Variants in MAP3K3 observed in about 807,000 individuals in gnomAD.
The protein encoded by MAP3K3 is mitogen-activated protein kinase kinase kinase 3.
In MAP3K3, 12 loss-of-function variants were observed where a neutral mutation model predicts 80.9. The observed-to-expected ratio is 0.15, with a 90% CI of 0.10 to 0.24. The LOEUF is 0.24. Among genes scored for constraint, MAP3K3 ranks in the 10% least tolerant of loss-of-function variants. The pLI is 1.00. For missense variants in MAP3K3, 596 were observed against 834.7 expected, an observed-to-expected ratio of 0.71 and a Z score of 3.52; for synonymous variants, 272 against 307.1, an observed-to-expected ratio of 0.89 and a Z score of 1.19.
intron 6 of MAP3K3, among the ~76,000 whole-genome samples, chr17:63,671,380 C>T (rs190542900): frequency 6.6e-6 from 1 of 152,002 alleles, no homozygotes; most frequent in East Asian, 1.9e-4. Context: ...CTCAGCCTCC[C>T]AAGTAGCTGG....
At chr17:63,646,416 TAGAG>T (rs2034542272) in intron 3 of MAP3K3, among the ~76,000 whole-genome samples, 1 of 152,174 alleles carries the variant, frequency 6.6e-6, no homozygotes, top group Non-Finnish European at 1.5e-5. Context: ...CTGTGGGCAT[TAGAG>T]GGAGGGCAGG....
At chr17:63,637,398 C>T (rs755128911) in intron 2 of MAP3K3, among the ~76,000 whole-genome samples, 1 of 152,052 alleles carries the variant, frequency 6.6e-6, no homozygotes, top group Non-Finnish European at 1.5e-5. Flanking sequence ...TCCTAGTCAC[C>T]GTAATTTTAC....
intron 6 of MAP3K3, among the ~76,000 whole-genome samples, chr17:63,676,689 C>T (rs937968557): frequency 6.6e-6 from 1 of 152,204 alleles, no homozygotes; most frequent in Non-Finnish European, 1.5e-5. Context: ...GAAAGAGAAG[C>T]AGCCTCTAGG....
chr17:63,632,582 C>A, intron 1 of MAP3K3, 99 bp from the exon 2 acceptor site: 1 of 1,390,402 alleles, frequency 7.2e-7, no homozygotes, highest in Non-Finnish European at 9.9e-7. Context: ...TGTCATTTTA[C>A]CTGGGCAGAA....
In MAP3K3 at chr17:63,696,250, C is replaced by G. The variant is rs2035690439; in HGVS notation, c.*2473C>G. ...TGACTATATCTTGACCGAGGGCTTGCAGTGCAAAGCCAGGCCAGTGTTGCG... is the reference window on the plus strand; with the variant it reads ...TGACTATATCTTGACCGAGGGCTTGGAGTGCAAAGCCAGGCCAGTGTTGCG... On this transcript the variant is annotated 3_prime_UTR_variant, in exon 16 of 16. Coordinates refer to ENST00000361733, the MANE Select transcript of MAP3K3 (RefSeq NM_002401.5). The G allele has an allele frequency of 1.3e-5, 2 of 152,746 alleles. No homozygotes were observed. Among genetic ancestry groups the G allele is most frequent in the East Asian group, 3.9e-4 (2 of 5,176 alleles). 9.5% of individuals were successfully genotyped at this position (152,746 alleles called of 1,614,324 possible). A position where few individuals can be genotyped will look rare whatever the true frequency, so the allele number is the denominator to read the frequency against.
chr17:63,681,300 G>A (rs1419685140), intron 6 of MAP3K3, among the ~76,000 whole-genome samples: 1 of 151,938 alleles, frequency 6.6e-6, no homozygotes, highest in Non-Finnish European at 1.5e-5. Flanking sequence ...GAGATGCACA[G>A]GTATATTCAG....
At position 63,692,633 on chromosome 17, in the gene MAP3K3, G is replaced by A. The variant is rs369869258; in HGVS notation, c.1652+214G>A. 2.2e-4 allele frequency among the ~76,000 whole-genome samples: 33 copies of A among 152,362 alleles called. No individual in the cohort carries two copies. The highest frequency in any genetic ancestry group is 7.9e-4 in the African/African-American group (33 of 41,586). ...CATTAGAGCTGGGAACTTAGGCCAT[G>A]GAAAACATCCCTCATGTTTGCTAAA... On this transcript the variant is annotated intron_variant, in intron 15 of 15. Transcript: ENST00000361733. The surrounding 1 kb of genome is among the most constrained non-coding windows in gnomAD (Gnocchi z 4.5).
chr17:63,623,772 A>G (rs1263919097), intron 1 of MAP3K3, among the ~76,000 whole-genome samples: 4 of 152,226 alleles, frequency 2.6e-5, no homozygotes, highest in Non-Finnish European at 5.9e-5. Flanking sequence ...AATATTTGGT[A>G]TTGCCCTAAA....
chr17:63,653,423 T>C (rs1390001455), intron 4 of MAP3K3, among the ~76,000 whole-genome samples: 1 of 152,192 alleles, frequency 6.6e-6, no homozygotes, highest in Admixed American at 6.5e-5. Flanking sequence ...CACTGTGTAG[T>C]TTTATTTTAT....
intron 8 of MAP3K3, among the ~76,000 whole-genome samples, chr17:63,686,837 C>G (rs2035460837): frequency 6.6e-6 from 1 of 152,128 alleles, no homozygotes; most frequent in Non-Finnish European, 1.5e-5. Context: ...GACTTGGGCT[C>G]AGGGCTTTCA....
chr17:63,685,337 C>G (rs2035425664), intron 7 of MAP3K3, among the ~76,000 whole-genome samples, 180 bp from the exon 8 acceptor site: 1 of 152,202 alleles, frequency 6.6e-6, no homozygotes, highest in Non-Finnish European at 1.5e-5. Context: ...TGGAAACTTG[C>G]CTTTCAAACT....
chr17:63,639,144 G>C (rs1473281871), intron 2 of MAP3K3, among the ~76,000 whole-genome samples: 1 of 152,194 alleles, frequency 6.6e-6, no homozygotes, highest in South Asian at 2.1e-4. Flanking sequence ...TCACTGTGTG[G>C]TACAGAGAGT....
At chr17:63,663,513 AAAG>A (rs1179221663) in intron 5 of MAP3K3, among the ~76,000 whole-genome samples, 1 of 152,150 alleles carries the variant, frequency 6.6e-6, no homozygotes, top group Admixed American at 6.6e-5. Context: ...AAAAAAAAAA[AAAG>A]TTTAGAACTC....
Position 63,693,504 on chromosome 17 carries a change from A to G in MAP3K3, c.1653-45A>G. 1 of 1,529,260 alleles carries G rather than the reference A, an allele frequency of 6.5e-7. No homozygotes were observed. Among genetic ancestry groups the G allele is most frequent in the Non-Finnish European group, 8.9e-7 (1 of 1,119,644 alleles). 94.7% of individuals were successfully genotyped at this position (1,529,260 alleles called of 1,614,324 possible). ...TGCAGTGGTGGGCAGGACAGCTGGG[A>G]GTCCAGGGCTGGCTGAGGGGTGACA... On this transcript the variant is annotated intron_variant, in intron 15 of 15. Transcript: ENST00000361733. This position sits in a 1 kb window ranked among gnomAD's most constrained non-coding sequence, Gnocchi z 4.2.
chr17:63,632,739 A>G lies in MAP3K3; in HGVS notation c.63A>G (p.Arg21=). ...MNDLVALQMN[R]RHRMPGYETM... is the part of the protein sequence containing the mutation. ...ATCTGGTGGCCCTCCAGATGAACCG[A>G]CGTCACCGGATGCCTGGATATGAGA... The change falls in exon 2 of 16, where the codon CGA becomes CGG. Residue 21 remains arginine (R), a synonymous_variant. Coordinates refer to ENST00000361733, the MANE Select transcript of MAP3K3 (RefSeq NM_002401.5). 1 of 1,614,132 alleles carries G rather than the reference A, an allele frequency of 6.2e-7. No individual in the cohort carries two copies. The highest frequency in any genetic ancestry group is 8.5e-7 in the Non-Finnish European group (1 of 1,179,998).
chr17:63,681,538 G>A (rs2035336398), intron 6 of MAP3K3, among the ~76,000 whole-genome samples: 3 of 152,278 alleles, frequency 2.0e-5, no homozygotes, highest in East Asian at 3.9e-4. Flanking sequence ...TTGTGTCAAG[G>A]TTTTTTTGGT....
At chr17:63,652,202 C>T (rs1319611456) in intron 3 of MAP3K3, among the ~76,000 whole-genome samples, 1 of 151,998 alleles carries the variant, frequency 6.6e-6, no homozygotes. Flanking sequence ...TCCCAACAGC[C>T]CCAGTGTGTA....
intron 2 of MAP3K3, chr17:63,634,722 G>A: frequency 3.1e-6 from 5 of 1,612,946 alleles, no homozygotes; most frequent in Non-Finnish European, 4.2e-6. Context: ...AAACACAACA[G>A]CAGCAGCTCA....
chr17:63,625,775 TA>T (rs1394138846), intron 1 of MAP3K3, among the ~76,000 whole-genome samples: 1 of 152,214 alleles, frequency 6.6e-6, no homozygotes, highest in Non-Finnish European at 1.5e-5. Context: ...AGTTGGATTT[TA>T]AAACTGAATT....
Sources: allele counts gnomAD v4.1 joint callset (sites outside exome capture counted in the v4.1 genomes callset), GRCh38; gene constraint gnomAD v4.1.1; non-coding constraint Gnocchi (gnomAD v3.1); transcripts MANE v1.5; gene names NCBI Gene and HGNC (gene_info 2026-07-23, HGNC 2026-07-21).